TBCK: variants seen among roughly 807,000 people sequenced by gnomAD.
TBCK encodes TBC domain-containing protein kinase-like protein.
In TBCK, 99 loss-of-function variants were observed where a neutral mutation model predicts 113.4. The ratio of observed to expected loss-of-function variants is 0.87; its 90% confidence interval spans 0.74 to 1.03. TBCK has a LOEUF of 1.03. Ranked by LOEUF, TBCK falls within the 50% of genes least tolerant of loss-of-function variation. TBCK has a pLI of 0.00. For missense variants in TBCK, 1,045 were observed against 1,061.3 expected, an observed-to-expected ratio of 0.98 and a Z score of 0.21; for synonymous variants, 369 against 370.8, an observed-to-expected ratio of 1.00 and a Z score of 0.05.
At chr4:106,181,023 C>T (rs917136164) in intron 22 of TBCK, among the ~76,000 whole-genome samples, 2 of 152,164 alleles carry the variant, frequency 1.3e-5, no homozygotes, top group Non-Finnish European at 2.9e-5. Flanking sequence ...ACAACCTCTC[C>T]AGCATCTGTT....
At chr4:106,252,769 C>T (rs1422104097) in intron 5 of TBCK, among the ~76,000 whole-genome samples, 2 of 151,984 alleles carry the variant, frequency 1.3e-5, no homozygotes, top group South Asian at 2.1e-4. Flanking sequence ...CAGATATATT[C>T]TTAGAAGTGG....
rs187016593 is a variant in TBCK, at chr4:106,293,047, T to C, written c.266+2047A>G. Among the ~76,000 whole-genome samples, 224 of 152,308 alleles carry C rather than the reference T, an allele frequency of 1.5e-3. 2 individuals are homozygous for C. Among genetic ancestry groups the C allele is most frequent in the Non-Finnish European group, 2.4e-4 (16 of 68,020 alleles). On this transcript the variant is annotated intron_variant, in intron 3 of 25. Coordinates refer to ENST00000394708, the MANE Select transcript of TBCK (RefSeq NM_001163435.3). ...ACCTATCTCAGCTTTCAAAAGAGTT[T>C]AAGCATTACTTCCCAACCACAAAGG...
intron 2 of TBCK, among the ~76,000 whole-genome samples, chr4:106,306,834 T>C (rs561070329): frequency 8.4e-4 from 128 of 152,304 alleles, no homozygotes; most frequent in Non-Finnish European, 1.6e-3. Context: ...AAGCCAAACA[T>C]GACAGGCATT....
chr4:106,055,152 C>G (rs966639192), intron 25 of TBCK, among the ~76,000 whole-genome samples: 4 of 151,536 alleles, frequency 2.6e-5, no homozygotes, highest in African/African-American at 9.7e-5. Flanking sequence ...ACTTTCTACT[C>G]TTAGGCTCCA....
intron 11 of TBCK, among the ~76,000 whole-genome samples, chr4:106,244,153 A>AT (rs929282843): frequency 6.6e-6 from 1 of 152,112 alleles, no homozygotes; most frequent in African/African-American, 2.4e-5. Context: ...AGTTAGGCAG[A>AT]TTTTTTTGCA....
chr4:106,233,135 C>A, intron 16 of TBCK, 71 bp from the exon 17 acceptor site: 2 of 1,348,258 alleles, frequency 1.5e-6, no homozygotes, highest in South Asian at 2.9e-5. Flanking sequence ...AATCCTTGTT[C>A]ATTAAATAAG....
intron 25 of TBCK, among the ~76,000 whole-genome samples, chr4:106,077,918 A>C (rs945615523): frequency 3.3e-5 from 5 of 152,234 alleles, no homozygotes; most frequent in African/African-American, 9.6e-5. Context: ...AGAAAGTTTC[A>C]ACAAATTAAA....
intron 25 of TBCK, among the ~76,000 whole-genome samples, chr4:106,071,198 G>A (rs187258016): frequency 2.0e-5 from 3 of 152,110 alleles, no homozygotes; most frequent in African/African-American, 4.8e-5. Context: ...TTAGGGTGTC[G>A]ATTTTAGATC....
rs568377421 is a variant in TBCK, at chr4:106,261,348, T to C, written c.381+750A>G. 3.3e-5 allele frequency among the ~76,000 whole-genome samples: 5 copies of C among 152,112 alleles called. No homozygotes were observed. The East Asian group carries it at 7.7e-4, about 24-fold the overall frequency. On this transcript the variant is annotated intron_variant, in intron 4 of 25. Transcript: ENST00000394708. ...TCCAGGCTGGAGTGCATTGGTGTGATTATAGCTCACTGCAGCCTCAAACTC... is the reference window on the plus strand; with the variant it reads ...TCCAGGCTGGAGTGCATTGGTGTGACTATAGCTCACTGCAGCCTCAAACTC...
rs116483365 is a variant in TBCK at position 106,125,266 on chromosome 4, T to C, written c.2236-8888A>G. Among the ~76,000 whole-genome samples the C allele has an allele frequency of 1.0e-2, 1,520 of 152,216 alleles. 20 individuals carry two copies. Among genetic ancestry groups the C allele is most frequent in the African/African-American group, 0.035 (1,446 of 41,516 alleles). The stretch of plus-strand genomic sequence containing the variant: ...AGGAAATGAGGATATCGAAGAAATA[T>C]GCACTCCCATGTTCATTACAGCGCT... On this transcript the variant is annotated intron_variant, in intron 23 of 25. Coordinates refer to ENST00000394708, the MANE Select transcript of TBCK (RefSeq NM_001163435.3).
intron 10 of TBCK, among the ~76,000 whole-genome samples, chr4:106,245,030 AGAG>A (rs1760642233): frequency 1.3e-5 from 2 of 152,170 alleles, no homozygotes; most frequent in Admixed American, 1.3e-4. Context: ...CTGGAGACAG[AGAG>A]GAGAATAAAG....
At chr4:106,217,760 G>C (rs918573846) in intron 19 of TBCK, among the ~76,000 whole-genome samples, 6 of 150,832 alleles carry the variant, frequency 4.0e-5, no homozygotes, top group Admixed American at 2.6e-4. Flanking sequence ...TCATGGGTAG[G>C]AAGAATCAAT....
At chr4:106,228,460 T>G (rs772421389) in intron 19 of TBCK, among the ~76,000 whole-genome samples, 2 of 151,956 alleles carry the variant, frequency 1.3e-5, no homozygotes, top group Admixed American at 1.3e-4. Flanking sequence ...AATGTTTTGA[T>G]TTTCAGATCC....
At chr4:106,123,130 T>C (rs542340594) in intron 23 of TBCK, among the ~76,000 whole-genome samples, 7 of 152,286 alleles carry the variant, frequency 4.6e-5, no homozygotes, top group East Asian at 3.9e-4. Flanking sequence ...GAAAACCCCA[T>C]TGTCTCAGCC....
intron 25 of TBCK, among the ~76,000 whole-genome samples, chr4:106,049,845 T>C (rs1734618923): frequency 6.6e-6 from 1 of 152,048 alleles, no homozygotes; most frequent in South Asian, 2.1e-4. Context: ...TAATAATAAG[T>C]AGAGTTTCTT....
chr4:106,110,375 G>A (rs575586478), intron 24 of TBCK, among the ~76,000 whole-genome samples: 2 of 152,214 alleles, frequency 1.3e-5, no homozygotes, highest in Non-Finnish European at 2.9e-5. Flanking sequence ...TGAAAAGACT[G>A]CGCAGTCAGT....
intron 19 of TBCK, among the ~76,000 whole-genome samples, chr4:106,229,328 G>A (rs1656017415): frequency 6.6e-6 from 1 of 151,934 alleles, no homozygotes; most frequent in African/African-American, 2.4e-5. Flanking sequence ...CTGGACCAAC[G>A]TCCTGGAGAG....
chr4:106,180,576 C>T (rs532362907), intron 22 of TBCK, among the ~76,000 whole-genome samples: 5 of 152,126 alleles, frequency 3.3e-5, no homozygotes, highest in Admixed American at 3.3e-4. Flanking sequence ...ATGTTCCCCT[C>T]TCTGTGTCCA....
chr4:106,186,140 C>A (rs901229833), intron 22 of TBCK, among the ~76,000 whole-genome samples: 4 of 152,096 alleles, frequency 2.6e-5, no homozygotes, highest in African/African-American at 9.7e-5. Context: ...CATTGATGGG[C>A]ATTTAGGTTG....
Sources: gnomAD v4.1 joint callset for allele counts (sites outside exome capture counted in the v4.1 genomes callset) on GRCh38, gnomAD v4.1.1 for gene constraint, MANE v1.5 for transcripts, NCBI Gene and HGNC (gene_info 2026-07-23, HGNC 2026-07-21) for gene names.